The following KARS1 variants were observed in gnomAD, a reference collection of about 807,000 sequenced individuals.
KARS1 encodes the protein lysine--tRNA ligase.
KARS1 carries 50 observed loss-of-function variants against 63.9 expected under a neutral mutation model. The ratio of observed to expected loss-of-function variants is 0.78; its 90% CI spans 0.62 to 0.99. KARS1 has a LOEUF of 0.99. KARS1 is among the 50% of genes least tolerant of loss of function. KARS1 has a pLI of 0.00. For missense variants in KARS1, 816 were observed against 754.5 expected (o/e 1.08, Z -0.95); for synonymous variants, 320 against 264.6 (o/e 1.21, Z -2.03).
chr16:75,631,865 A>C lies in KARS1; in HGVS notation c.916-10T>G, dbSNP rs370331546. 9.7e-5 allele frequency: 156 copies of C among 1,613,094 alleles called. No homozygotes were observed. The highest frequency in any genetic ancestry group is 1.3e-4 in the Non-Finnish European group (154 of 1,179,884). On this transcript the variant is annotated splice_polypyrimidine_tract_variant and intron_variant, in intron 7 of 13. Coordinates refer to ENST00000302445, the MANE Select transcript of KARS1 (RefSeq NM_005548.3). ...CACCAACCACAAGCATCTAACAACA[A>C]CACATGGCCACGGTCATGACAGCTA...
chr16:75,630,360 A>G, intron 11 of KARS1, 63 bp downstream of exon 11: 1 of 1,062,922 alleles, frequency 9.4e-7, no homozygotes, highest in Admixed American at 1.7e-5. Flanking sequence ...AATCTTGACA[A>G]TAAATTGTTA....
chr16:75,645,363 C>T (rs985032512), intron 1 of KARS1, among the ~76,000 whole-genome samples: 2 of 152,258 alleles, frequency 1.3e-5, no homozygotes, highest in East Asian at 3.9e-4. Context: ...CACTGCTAGA[C>T]TATATTTTAG....
intron 12 of KARS1, 134 bp downstream of exon 12, chr16:75,629,281 C>T: frequency 9.4e-7 from 1 of 1,064,642 alleles, no homozygotes; most frequent in Non-Finnish European, 1.4e-6. Flanking sequence ...TGAAATGTGA[C>T]TCCTCCAGCA....
At chr16:75,646,532 T>G (rs1172819318) in intron 1 of KARS1, among the ~76,000 whole-genome samples, 4 of 148,510 alleles carry the variant, frequency 2.7e-5, no homozygotes, top group Non-Finnish European at 4.5e-5. Context: ...AGAGCGAGAC[T>G]CCATCTTAAA....
intron 2 of KARS1, among the ~76,000 whole-genome samples, chr16:75,641,302 C>A (rs187581004): frequency 3.9e-4 from 59 of 152,264 alleles, no homozygotes; most frequent in Middle Eastern, 3.4e-3. Context: ...GAGACACTTT[C>A]CCTGGGGCCT....
At chr16:75,640,008 A>T in intron 3 of KARS1, 176 bp downstream of exon 3, 1 of 626,086 alleles carries the variant, frequency 1.6e-6, no homozygotes, top group Non-Finnish European at 2.9e-6. Flanking sequence ...ATATGATTCC[A>T]TGTCTCAGGG....
chr16:75,633,041 A>C (rs1193408640), intron 7 of KARS1, among the ~76,000 whole-genome samples: 1 of 152,154 alleles, frequency 6.6e-6, no homozygotes, highest in African/African-American at 2.4e-5. Context: ...TTGACCAAAG[A>C]TACTGCTCCC....
At chr16:75,630,311 C>T in intron 11 of KARS1, 112 bp downstream of exon 11, 1 of 734,040 alleles carries the variant, frequency 1.4e-6, no homozygotes, top group Non-Finnish European at 2.4e-6. Flanking sequence ...TTACCCTGGT[C>T]AACACCACCC....
Position 75,635,778 on chromosome 16 carries a change from C to G in KARS1, c.697G>C (p.Asp233His), listed in dbSNP as rs1333351129. ...KETRYRQRYL[D>H]LILNDFVRQK... ...CTCACAAAGTCATTCAGGATCAAGT[C>G]CAAGTATCTCTGGCGATACCTTGTT... Residue 233 changes from aspartate (D) to histidine (H), a missense_variant, in exon 6 of 14, where the codon GAC becomes CAC. Coordinates refer to ENST00000302445, the MANE Select transcript of KARS1 (RefSeq NM_005548.3). The G allele has an allele frequency of 2.5e-6, 4 of 1,614,062 alleles. No individual in the cohort carries two copies. In the African/African-American group the frequency reaches 5.3e-5, roughly 22 times the overall value.
chr16:75,629,607 T>C (rs2082089632), intron 11 of KARS1, 66 bp from the exon 12 acceptor site: 4 of 1,577,992 alleles, frequency 2.5e-6, no homozygotes, highest in Non-Finnish European at 2.6e-6. Context: ...TTTTGTTTTT[T>C]CTTTTTTTTT....
At chr16:75,633,449 C>A (rs757141207) in intron 7 of KARS1, among the ~76,000 whole-genome samples, 2 of 151,646 alleles carry the variant, frequency 1.3e-5, no homozygotes, top group Non-Finnish European at 2.9e-5. Context: ...ACTAAGAATC[C>A]TGAATAATAA....
Position 75,641,193 on chromosome 16 carries a change from G to C in KARS1, c.222+371C>G, listed in dbSNP as rs999972465. Among the ~76,000 whole-genome samples the C allele has an allele frequency of 5.0e-5, 7 of 139,016 alleles. No homozygotes were observed. In the Admixed American group the frequency reaches 5.1e-4, roughly 10 times the overall value. 91.2% of individuals were successfully genotyped at this position (139,016 alleles called of 152,430 possible). ...AAACAAAAACAAAAACAAAAAACCAGGGAGGGAAGGATAAAGTGGGGGCAT... is the reference window on the plus strand; with the variant it reads ...AAACAAAAACAAAAACAAAAAACCACGGAGGGAAGGATAAAGTGGGGGCAT... On this transcript the variant is annotated intron_variant, in intron 2 of 13. Coordinates refer to ENST00000302445, the MANE Select transcript of KARS1 (RefSeq NM_005548.3).
In KARS1 at chr16:75,631,870, T is replaced by A; in HGVS notation, c.916-15A>T. ...ACCACAAGCATCTAACAACAACACA[T>A]GGCCACGGTCATGACAGCTAATCTT... On this transcript the variant is annotated splice_polypyrimidine_tract_variant and intron_variant, in intron 7 of 13. Coordinates refer to ENST00000302445, the MANE Select transcript of KARS1 (RefSeq NM_005548.3). 1 of 1,613,372 alleles carries A rather than the reference T, an allele frequency of 6.2e-7. No homozygotes were observed. Among genetic ancestry groups the A allele is most frequent in the Non-Finnish European group, 8.5e-7 (1 of 1,179,938 alleles).
intron 3 of KARS1, among the ~76,000 whole-genome samples, chr16:75,638,606 T>C (rs1390859775): frequency 6.6e-6 from 1 of 152,022 alleles, no homozygotes. Context: ...TGATAACACA[T>C]GAAAGAATTA....
intron 6 of KARS1, among the ~76,000 whole-genome samples, chr16:75,634,510 CG>C (rs1278969286): frequency 6.6e-6 from 1 of 152,198 alleles, no homozygotes; most frequent in Non-Finnish European, 1.5e-5. Flanking sequence ...TATAGTACCA[CG>C]AACTTTCACA....
chr16:75,635,925 C>T lies in KARS1; in HGVS notation c.656G>A (p.Gly219Asp), dbSNP rs1160673794. The change falls in exon 5 of 14, where the codon GGC (glycine) becomes GAC (aspartate). Residue 219 changes from glycine (G) to aspartate (D), a missense_variant. Gly to Asp is a moderately conservative substitution (Grantham distance 94, BLOSUM62 -1). Coordinates refer to ENST00000302445, the MANE Select transcript of KARS1 (RefSeq NM_005548.3). ...CLHMLPHLHF[G>D]LKDKETRYRQ... The stretch of plus-strand genomic sequence containing the variant: ...AAGAACGCTTACCTTGTCTTTGAGG[C>T]CAAAGTGAAGATGAGGTAACATATG... 6.2e-7 allele frequency: 1 copy of T among 1,614,048 alleles called. No individual in the cohort carries two copies. Among genetic ancestry groups the T allele is most frequent in the Non-Finnish European group, 8.5e-7 (1 of 1,180,004 alleles).
chr16:75,644,446 C>G lies in KARS1; in HGVS notation c.63-2723G>C, dbSNP rs185908780. 5.1e-4 allele frequency: 817 copies of G among 1,601,504 alleles called. 5 individuals are homozygous for G. The highest frequency in any genetic ancestry group is 1.1e-4 in the Non-Finnish European group (129 of 1,172,122). On this transcript the variant is annotated intron_variant, in intron 1 of 13. Transcript: ENST00000302445. The stretch of plus-strand genomic sequence containing the variant: ...GTCAACATGGCAGAGCACCCTGGAA[C>G]TAATGATTACCACCACCTAGCGGGA...
chr16:75,636,778 T>A (rs1239245083), intron 3 of KARS1, among the ~76,000 whole-genome samples: 1 of 151,664 alleles, frequency 6.6e-6, no homozygotes, highest in Non-Finnish European at 1.5e-5. Flanking sequence ...GGATTACAGG[T>A]GCACACCACC....
intron 1 of KARS1, among the ~76,000 whole-genome samples, chr16:75,645,566 G>A (rs2082271257): frequency 6.6e-6 from 1 of 152,216 alleles, no homozygotes; most frequent in Non-Finnish European, 1.5e-5. Context: ...AGTCAGTGAA[G>A]CAGGGAGTGG....
Sources: allele counts gnomAD v4.1 joint callset (sites outside exome capture counted in the v4.1 genomes callset), GRCh38; gene constraint gnomAD v4.1.1; transcripts MANE v1.5; gene names NCBI Gene and HGNC (gene_info 2026-07-23, HGNC 2026-07-21).